The following RAB3C variants were observed in gnomAD, a reference collection of about 807,000 sequenced individuals.
RAB3C encodes ras-related protein Rab-3C.
A neutral mutation model predicts 26.4 loss-of-function variants in RAB3C; 17 were observed. The ratio of observed to expected loss-of-function variants is 0.64; its 90% confidence interval spans 0.44 to 0.97. The LOEUF (loss-of-function observed/expected upper bound fraction) is 0.97, where lower values mean the gene tolerates loss of function less well. Ranked by LOEUF, RAB3C falls within the 50% of genes least tolerant of loss-of-function variation. RAB3C has a pLI of 0.00. For missense variants in RAB3C, 242 were observed against 281.9 expected (o/e 0.86, Z 1.01); for synonymous variants, 91 against 95.9 (o/e 0.95, Z 0.30).
chr5:58,714,950 A>T (rs181673285), intron 2 of RAB3C, among the ~76,000 whole-genome samples: 1 of 152,160 alleles, frequency 6.6e-6, no homozygotes, highest in East Asian at 1.9e-4. Context: ...TGATAAAAGG[A>T]TTCTGATCCA....
chr5:58,739,220 A>C (rs1741221687), intron 3 of RAB3C, among the ~76,000 whole-genome samples: 1 of 152,246 alleles, frequency 6.6e-6, no homozygotes, highest in Non-Finnish European at 1.5e-5. Flanking sequence ...ACCTCATGAT[A>C]CATGTTATTG....
intron 2 of RAB3C, among the ~76,000 whole-genome samples, chr5:58,638,258 T>G (rs909427694): frequency 1.3e-5 from 2 of 152,138 alleles, no homozygotes; most frequent in African/African-American, 4.8e-5. Flanking sequence ...TTTCATCTTT[T>G]GAGGTGTCTT....
intron 1 of RAB3C, among the ~76,000 whole-genome samples, chr5:58,584,384 T>A (rs1277723480): frequency 1.3e-5 from 2 of 152,206 alleles, no homozygotes; most frequent in African/African-American, 2.4e-5. Flanking sequence ...AGTCCTCAAA[T>A]TACCTATGAG....
intron 3 of RAB3C, among the ~76,000 whole-genome samples, chr5:58,812,176 A>G (rs1361086075): frequency 2.0e-5 from 3 of 152,178 alleles, no homozygotes; most frequent in Non-Finnish European, 1.5e-5. Context: ...GTGTTCAGGA[A>G]AAAAGAAAGA....
intron 2 of RAB3C, among the ~76,000 whole-genome samples, chr5:58,658,365 T>C (rs1747823629): frequency 1.3e-5 from 2 of 152,168 alleles, no homozygotes; most frequent in Non-Finnish European, 2.9e-5. Context: ...GAGGAGATTT[T>C]GGGCTGAGAC....
rs571694904 is a variant in RAB3C, at chr5:58,666,631, G to A, written c.252+48761G>A. On this transcript the variant is annotated intron_variant, in intron 2 of 4. Coordinates refer to ENST00000282878, the MANE Select transcript of RAB3C (RefSeq NM_138453.4). ...CCACAGTCTTTGTAACACCACACTAGGCTGACCAGTTAGTAGAGATAGGGG... is the reference window on the plus strand; with the variant it reads ...CCACAGTCTTTGTAACACCACACTAAGCTGACCAGTTAGTAGAGATAGGGG... Among the ~76,000 whole-genome samples the A allele has an allele frequency of 2.6e-5, 4 of 152,306 alleles. No individual in the cohort carries two copies. In the South Asian group the frequency reaches 8.3e-4, roughly 32 times the overall value.
intron 3 of RAB3C, among the ~76,000 whole-genome samples, chr5:58,808,899 G>A (rs1743006527): frequency 6.6e-6 from 1 of 152,130 alleles, no homozygotes; most frequent in African/African-American, 2.4e-5. Context: ...CAAAAGTGAG[G>A]TTCATAAAAA....
chr5:58,651,927 T>C (rs574310824), intron 2 of RAB3C, among the ~76,000 whole-genome samples: 1 of 149,680 alleles, frequency 6.7e-6, no homozygotes, highest in East Asian at 2.0e-4. Context: ...ACAATGTAAA[T>C]GCTATGTAAA....
At chr5:58,655,424 A>C (rs545882635) in intron 2 of RAB3C, among the ~76,000 whole-genome samples, 67 of 152,352 alleles carry the variant, frequency 4.4e-4, no homozygotes, top group African/African-American at 1.6e-3. Context: ...GAAGAGACAG[A>C]GAAAGATAAA....
chr5:58,701,443 A>G (rs1748840625), intron 2 of RAB3C, among the ~76,000 whole-genome samples: 1 of 152,104 alleles, frequency 6.6e-6, no homozygotes. Context: ...CTCTCCCAGG[A>G]TATTGCAATT....
At chr5:58,815,651 TTC>T (rs1278651763) in intron 3 of RAB3C, 3 of 152,194 alleles carry the variant, frequency 2.0e-5, no homozygotes, top group Non-Finnish European at 2.9e-5. Context: ...TGTGCTTATA[TTC>T]TGAGTCAGGC....
In RAB3C at chr5:58,851,640, C is replaced by A. The variant is rs1416235387; in HGVS notation, c.*289C>A. 3 of 299,440 alleles carry A rather than the reference C, an allele frequency of 1.0e-5. No homozygotes were observed. Among genetic ancestry groups the A allele is most frequent in the Non-Finnish European group, 1.8e-5 (3 of 162,424 alleles). 18.5% of individuals were successfully genotyped at this position (299,440 alleles called of 1,614,324 possible). A position where few individuals can be genotyped will look rare whatever the true frequency, so the allele number is the denominator to read the frequency against. On this transcript the variant is annotated 3_prime_UTR_variant, in exon 5 of 5. Transcript: ENST00000282878. Reference sequence around the variant, plus strand: ...TTGTTTCAAATTTGTTCTCAGACTACTTCTGGGACATCAGACTATAATCTC... The same window carrying A: ...TTGTTTCAAATTTGTTCTCAGACTAATTCTGGGACATCAGACTATAATCTC...
intron 3 of RAB3C, among the ~76,000 whole-genome samples, chr5:58,796,685 A>G (rs1440379200): frequency 1.3e-5 from 2 of 152,198 alleles, no homozygotes; most frequent in African/African-American, 4.8e-5. Context: ...AAGAGTATCT[A>G]TCTCCGGTGA....
intron 2 of RAB3C, among the ~76,000 whole-genome samples, chr5:58,701,827 A>G (rs565895007): frequency 4.6e-5 from 7 of 152,240 alleles, no homozygotes; most frequent in African/African-American, 1.4e-4. Flanking sequence ...CCCTTATAAA[A>G]ACCTTTGTGA....
intron 3 of RAB3C, among the ~76,000 whole-genome samples, chr5:58,768,728 G>A (rs1741961629): frequency 6.6e-6 from 1 of 151,876 alleles, no homozygotes; most frequent in Non-Finnish European, 1.5e-5. Context: ...AGTCCAAGCA[G>A]CAGCAAAAAG....
chr5:58,838,395 T>C (rs1015606796), intron 4 of RAB3C, among the ~76,000 whole-genome samples: 1 of 151,444 alleles, frequency 6.6e-6, no homozygotes, highest in African/African-American at 2.4e-5. Flanking sequence ...AAAAAAAAAC[T>C]TTTTGTTTCA....
chr5:58,747,699 T>G (rs1741429191), intron 3 of RAB3C, among the ~76,000 whole-genome samples: 1 of 151,758 alleles, frequency 6.6e-6, no homozygotes, highest in African/African-American at 2.4e-5. Context: ...ATATTATTAT[T>G]ATTCTTTCTG....
intron 3 of RAB3C, among the ~76,000 whole-genome samples, chr5:58,774,537 C>T (rs1462245170): frequency 6.6e-6 from 1 of 152,072 alleles, no homozygotes; most frequent in Non-Finnish European, 1.5e-5. Flanking sequence ...AACATCTGCC[C>T]TTTAATGGAG....
At chr5:58,641,962 C>G (rs1471794064) in intron 2 of RAB3C, among the ~76,000 whole-genome samples, 2 of 152,156 alleles carry the variant, frequency 1.3e-5, no homozygotes, top group Non-Finnish European at 2.9e-5. Flanking sequence ...AGCACAGGCT[C>G]CTTGGGCACA....
Sources: gnomAD v4.1 joint callset for allele counts (sites outside exome capture counted in the v4.1 genomes callset) on GRCh38, gnomAD v4.1.1 for gene constraint, MANE v1.5 for transcripts, NCBI Gene and HGNC (gene_info 2026-07-23, HGNC 2026-07-21) for gene names.